PLEKHA8: variants seen among roughly 807,000 people sequenced by gnomAD.
PLEKHA8 encodes pleckstrin homology domain-containing family A member 8.
In PLEKHA8, 36 loss-of-function variants were observed where a neutral mutation model predicts 68.2. The ratio of observed to expected loss-of-function variants is 0.53; its 90% CI spans 0.40 to 0.70. PLEKHA8 has a LOEUF of 0.70. Ranked by LOEUF, PLEKHA8 falls within the 30% of genes least tolerant of loss-of-function variation. The probability of loss-of-function intolerance (pLI) is 0.00; values close to 1 mark genes in which losing one functional copy is unlikely to be tolerated. For missense variants in PLEKHA8, 505 were observed against 615.4 expected, an observed-to-expected ratio of 0.82 and a Z score of 1.90; for synonymous variants, 211 against 216.1, an observed-to-expected ratio of 0.98 and a Z score of 0.20.
chr7:30,029,126 T>G (rs923884195), intron 1 of PLEKHA8, among the ~76,000 whole-genome samples: 1 of 152,228 alleles, frequency 6.6e-6, no homozygotes, highest in Non-Finnish European at 1.5e-5. Flanking sequence ...GCCGTGGGGT[T>G]CTCTGGGAAT....
At chr7:30,113,718 T>G (rs923739076) in intron 13 of PLEKHA8, among the ~76,000 whole-genome samples, 1 of 152,156 alleles carries the variant, frequency 6.6e-6, no homozygotes, top group Non-Finnish European at 1.5e-5. Context: ...ATCTCATTCC[T>G]TAGGCCTCAT....
chr7:30,102,875 G>A (rs1054660875), intron 13 of PLEKHA8, among the ~76,000 whole-genome samples: 3 of 152,184 alleles, frequency 2.0e-5, no homozygotes, highest in Non-Finnish European at 2.9e-5. Context: ...CAAACACAGG[G>A]CAAATGCAAA....
At chr7:30,107,732 G>T (rs1442320133) in intron 13 of PLEKHA8, among the ~76,000 whole-genome samples, 1 of 152,062 alleles carries the variant, frequency 6.6e-6, no homozygotes, top group African/African-American at 2.4e-5. Context: ...TCTCCATCTA[G>T]TTTACTAGTG....
intron 13 of PLEKHA8, among the ~76,000 whole-genome samples, chr7:30,110,626 T>C (rs185295978): frequency 1.5e-3 from 231 of 152,356 alleles, no homozygotes; most frequent in African/African-American, 5.3e-3. Flanking sequence ...TTGCACTGTT[T>C]TACAGTCCAG....
chr7:30,054,957 T>G (rs1479883996), intron 8 of PLEKHA8, 92 bp downstream of exon 8: 3 of 1,263,930 alleles, frequency 2.4e-6, no homozygotes, highest in Non-Finnish European at 3.3e-6. Flanking sequence ...GATGGCATAT[T>G]CTAGGAGAAT....
chr7:30,083,665 A>G lies in PLEKHA8; in HGVS notation c.*4878A>G. The G allele has an allele frequency of 1.0e-6, 1 of 985,462 alleles. No individual in the cohort carries two copies. 61.0% of individuals were successfully genotyped at this position (985,462 alleles called of 1,614,324 possible). Reference sequence around the variant, plus strand: ...AGGAAAAAAATACCACTACTCTGCAATGCAAAAGTCTTCAAAATTCTTTGT... The same window carrying G: ...AGGAAAAAAATACCACTACTCTGCAGTGCAAAAGTCTTCAAAATTCTTTGT... On this transcript the variant is annotated 3_prime_UTR_variant, in exon 14 of 14. Coordinates refer to ENST00000449726, the MANE Select transcript of PLEKHA8 (RefSeq NM_001197026.2).
intron 13 of PLEKHA8, among the ~76,000 whole-genome samples, chr7:30,124,044 G>A (rs1273651487): frequency 5.3e-5 from 8 of 152,210 alleles, no homozygotes; most frequent in Non-Finnish European, 8.8e-5. Flanking sequence ...TGGTTAAAAT[G>A]TATTTAATAT....
intron 4 of PLEKHA8, 21 bp downstream of exon 4, chr7:30,047,977 AT>A: frequency 6.4e-6 from 8 of 1,250,736 alleles, no homozygotes; most frequent in Non-Finnish European, 8.3e-6. Flanking sequence ...ATTTATTAAT[AT>A]TATTAATATA....
chr7:30,114,131 T>C (rs1244383498), intron 13 of PLEKHA8, among the ~76,000 whole-genome samples: 1 of 152,176 alleles, frequency 6.6e-6, no homozygotes, highest in Non-Finnish European at 1.5e-5. Context: ...ACTCCTGACC[T>C]CATGTTATCT....
intron 13 of PLEKHA8, among the ~76,000 whole-genome samples, chr7:30,117,672 C>T (rs1583489772): frequency 6.6e-6 from 1 of 152,104 alleles, no homozygotes; most frequent in South Asian, 2.1e-4. Flanking sequence ...CCACTGTACT[C>T]CATCCAGCCT....
At position 30,081,531 on chromosome 7, in the gene PLEKHA8, A is replaced by G. The variant is rs981543928; in HGVS notation, c.*2744A>G. 8.1e-6 allele frequency: 8 copies of G among 985,066 alleles called. No homozygotes were observed. Among genetic ancestry groups the G allele is most frequent in the African/African-American group, 1.7e-5 (1 of 57,236 alleles). 61.0% of individuals were successfully genotyped at this position (985,066 alleles called of 1,614,324 possible). On this transcript the variant is annotated 3_prime_UTR_variant, in exon 14 of 14. Transcript: ENST00000449726. The stretch of plus-strand genomic sequence containing the variant: ...CACTTTCCAAGAAGAGGGCAATGAG[A>G]AAAGATATTTAAAGCTTTCTCTCCA...
At chr7:30,097,897 G>A (rs1252485220) in intron 13 of PLEKHA8, among the ~76,000 whole-genome samples, 3 of 152,208 alleles carry the variant, frequency 2.0e-5, no homozygotes, top group Admixed American at 6.5e-5. Context: ...AGGAGGAGAG[G>A]CGCTCTGACT....
chr7:30,029,026 G>C (rs1021055873), intron 1 of PLEKHA8, among the ~76,000 whole-genome samples: 38 of 152,230 alleles, frequency 2.5e-4, no homozygotes, highest in African/African-American at 8.9e-4. Context: ...CTGCCCTTTC[G>C]CTTCAAGGAA....
At chr7:30,099,656 T>C (rs552388559) in intron 13 of PLEKHA8, among the ~76,000 whole-genome samples, 1 of 152,210 alleles carries the variant, frequency 6.6e-6, no homozygotes, top group Admixed American at 6.5e-5. Context: ...TTCAAGTACA[T>C]GTGGAATATA....
chr7:30,129,604 G>T, downstream of PLEKHA8: 1 of 388,610 alleles, frequency 2.6e-6, no homozygotes, highest in Admixed American at 3.8e-5. Flanking sequence ...TAGACCAAAG[G>T]TCACTGCTAT....
chr7:30,107,267 A>G (rs182875819), intron 13 of PLEKHA8, among the ~76,000 whole-genome samples: 1 of 152,172 alleles, frequency 6.6e-6, no homozygotes, highest in African/African-American at 2.4e-5. Flanking sequence ...TTATTGTAAA[A>G]CTTTTGTTTT....
chr7:30,052,691 CT>C lies in PLEKHA8; in HGVS notation c.639-14del. On this transcript the variant is annotated splice_polypyrimidine_tract_variant and intron_variant, in intron 6 of 13. Coordinates refer to ENST00000449726, the MANE Select transcript of PLEKHA8 (RefSeq NM_001197026.2). ...AATAACGACCTTCTGGCTTTTTTTCCTTTTAAAAAATTTGCAGGCAAATGGA... is the reference window on the plus strand; with the variant it reads ...AATAACGACCTTCTGGCTTTTTTTCCTTTAAAAAATTTGCAGGCAAATGGA... 1.3e-6 allele frequency: 2 copies of C among 1,490,090 alleles called. No homozygotes were observed. The highest frequency in any genetic ancestry group is 2.5e-5 in the East Asian group (1 of 39,310). The allele number at this position is 1,490,090 out of a possible 1,614,324, so 92.3% of individuals were successfully genotyped here.
chr7:30,062,001 G>A lies in PLEKHA8; in HGVS notation c.1203G>A (p.Ala401=), dbSNP rs760051837. Residue 401 remains alanine (A), a synonymous_variant, in exon 11 of 14, where the codon GCG becomes GCA. Transcript: ENST00000449726. ...EADVAQVRNS[A]TEALLWLKRG... ...ATGTAGCCCAGGTTAGGAACTCAGC[G>A]ACTGAAGCCCTCTTGTGGCTGAAGA... The A allele has an allele frequency of 1.1e-5, 18 of 1,613,752 alleles. No individual in the cohort carries two copies. The highest frequency in any genetic ancestry group is 8.8e-5 in the South Asian group (8 of 90,944).
chr7:30,081,746 T>C lies in PLEKHA8; in HGVS notation c.*2959T>C. ...AAAAAGGAAATTGGTCTACTAGGTA[T>C]TGTAGACACAAATAAGTAACATTAG... On this transcript the variant is annotated 3_prime_UTR_variant, in exon 14 of 14. Transcript: ENST00000449726. The C allele has an allele frequency of 1.0e-6, 1 of 985,408 alleles. No homozygotes were observed. The highest frequency in any genetic ancestry group is 1.2e-6 in the Non-Finnish European group (1 of 829,912). The allele number at this position is 985,408 out of a possible 1,614,324, so 61.0% of individuals were successfully genotyped here.
Sources: allele counts gnomAD v4.1 joint callset (sites outside exome capture counted in the v4.1 genomes callset), GRCh38; gene constraint gnomAD v4.1.1; transcripts MANE v1.5; gene names NCBI Gene and HGNC (gene_info 2026-07-23, HGNC 2026-07-21).